The following DZIP3 variants were observed in gnomAD, a reference collection of about 807,000 sequenced individuals.
DZIP3 encodes DAZ interacting zinc finger protein 3.
In DZIP3, 118 loss-of-function variants were observed where a neutral mutation model predicts 162.0. The observed-to-expected ratio is 0.73, with a 90% CI of 0.63 to 0.85. The LOEUF is 0.85. Ranked by LOEUF, DZIP3 falls within the 40% of genes least tolerant of loss-of-function variation. The probability of loss-of-function intolerance (pLI) is 0.00; values close to 1 mark genes in which losing one functional copy is unlikely to be tolerated. For synonymous variants in DZIP3, 438 were observed against 458.6 expected (o/e 0.96, Z 0.57); for missense variants, 1,331 against 1,407.0 (o/e 0.95, Z 0.86).
intron 2 of DZIP3, among the ~76,000 whole-genome samples, chr3:108,606,536 T>C (rs907907790): frequency 6.6e-6 from 1 of 152,154 alleles, no homozygotes; most frequent in African/African-American, 2.4e-5. Flanking sequence ...TGGCTGTCTA[T>C]AGGAAGAAAA....
chr3:108,638,725 T>C (rs767161621), intron 12 of DZIP3, among the ~76,000 whole-genome samples: 2 of 152,168 alleles, frequency 1.3e-5, no homozygotes, highest in African/African-American at 2.4e-5. Context: ...TCAAACAGCT[T>C]CTTAAAACTG....
intron 4 of DZIP3, among the ~76,000 whole-genome samples, chr3:108,614,461 A>G (rs1166418830): frequency 6.6e-6 from 1 of 152,178 alleles, no homozygotes; most frequent in Admixed American, 6.5e-5. Context: ...CCTGGGATAG[A>G]AATGATTCCA....
intron 1 of DZIP3, among the ~76,000 whole-genome samples, chr3:108,602,055 A>C (rs1459490132): frequency 6.6e-6 from 1 of 152,206 alleles, no homozygotes; most frequent in Non-Finnish European, 1.5e-5. Flanking sequence ...GGCGGCCAGC[A>C]GTAGGATCTA....
intron 2 of DZIP3, 121 bp downstream of exon 2, chr3:108,605,559 T>C: frequency 1.0e-6 from 1 of 959,202 alleles, no homozygotes; most frequent in South Asian, 1.5e-5. Flanking sequence ...CTTCAGATCA[T>C]CAGGCATTAG....
rs563194441 is a variant in DZIP3 at position 108,605,213 on chromosome 3, A to G, written c.-72-122A>G. 40 of 701,660 alleles carry G rather than the reference A, an allele frequency of 5.7e-5. No homozygotes were observed. In the South Asian group the frequency reaches 6.6e-4, roughly 12 times the overall value. 43.5% of individuals were successfully genotyped at this position (701,660 alleles called of 1,614,324 possible). A position where few individuals can be genotyped will look rare whatever the true frequency, so the allele number is the denominator to read the frequency against. ...GTGATTATGTTTGGGTGGCGAAACT[A>G]TGATTCATTTTCTTCTTTTAGAGCA... On this transcript the variant is annotated intron_variant, in intron 1 of 32. Coordinates refer to ENST00000361582, the MANE Select transcript of DZIP3 (RefSeq NM_014648.4).
intron 2 of DZIP3, among the ~76,000 whole-genome samples, chr3:108,606,350 A>G (rs1004983150): frequency 2.0e-4 from 30 of 152,328 alleles, no homozygotes; most frequent in African/African-American, 6.7e-4. Flanking sequence ...TATCTCATAT[A>G]ATAAGCAGTG....
intron 28 of DZIP3, among the ~76,000 whole-genome samples, chr3:108,687,175 A>T (rs1211623956): frequency 6.6e-6 from 1 of 152,094 alleles, no homozygotes; most frequent in East Asian, 1.9e-4. Context: ...TTTTATTTCA[A>T]TACAAACATT....
chr3:108,615,777 T>C (rs1940970278), intron 4 of DZIP3, among the ~76,000 whole-genome samples: 1 of 152,166 alleles, frequency 6.6e-6, no homozygotes, highest in African/African-American at 2.4e-5. Flanking sequence ...TGCAATCAGA[T>C]TGCAGCATAA....
At chr3:108,618,240 C>T (rs1423746615) in intron 5 of DZIP3, among the ~76,000 whole-genome samples, 1 of 152,172 alleles carries the variant, frequency 6.6e-6, no homozygotes, top group African/African-American at 2.4e-5. Flanking sequence ...AGTTTTTCCT[C>T]CTCTAATTAT....
chr3:108,674,185 A>ACCTTT lies in DZIP3; in HGVS notation c.2693+7_2693+11dup. The ACCTTT allele has an allele frequency of 6.2e-7, 1 of 1,610,626 alleles. No homozygotes were observed. The highest frequency in any genetic ancestry group is 8.5e-7 in the Non-Finnish European group (1 of 1,177,598). ...GGGTGACTCACATGGCAGCAAGGTA[A>ACCTTT]CCTTTCCCTCTTCCTTAATGCATCT... On this transcript the variant is annotated splice_donor_region_variant and intron_variant, in intron 24 of 32. Transcript: ENST00000361582.
rs201647300 is a variant in DZIP3 at position 108,672,675 on chromosome 3, CA to C, written c.2589+20del. On this transcript the variant is annotated intron_variant, in intron 23 of 32. Transcript: ENST00000361582. ...AGCCGAGGTAACAACAAAACGGGGA[CA>C]GGGGTATGGGGTGAGGGGAAAAGTT... 4,125 of 1,600,126 alleles carry C rather than the reference CA, an allele frequency of 2.6e-3. 100 individuals carry two copies. In the African/African-American group the frequency reaches 0.048, roughly 19 times the overall value.
chr3:108,651,355 T>G (rs1242499503), intron 18 of DZIP3, among the ~76,000 whole-genome samples, 193 bp downstream of exon 18: 1 of 151,756 alleles, frequency 6.6e-6, no homozygotes, highest in Non-Finnish European at 1.5e-5. Flanking sequence ...ATTTAACATT[T>G]AATTATCATT....
At chr3:108,678,698 C>T (rs1322341344) in intron 26 of DZIP3, among the ~76,000 whole-genome samples, 1 of 151,910 alleles carries the variant, frequency 6.6e-6, no homozygotes, top group African/African-American at 2.4e-5. Context: ...AAGAGGGTGT[C>T]ATTGGATGAC....
chr3:108,649,394 C>A (rs1435736636), intron 17 of DZIP3, among the ~76,000 whole-genome samples: 1 of 151,724 alleles, frequency 6.6e-6, no homozygotes, highest in Non-Finnish European at 1.5e-5. Context: ...CAATAATGTG[C>A]ACAAAAAGGT....
intron 1 of DZIP3, among the ~76,000 whole-genome samples, chr3:108,592,254 G>A (rs973382366): frequency 3.9e-5 from 6 of 152,128 alleles, no homozygotes; most frequent in Non-Finnish European, 7.4e-5. Flanking sequence ...TGACAAATTC[G>A]AGAAGTATAT....
In DZIP3 at chr3:108,687,998, C is replaced by T. The variant is rs150802711; in HGVS notation, c.3172C>T (p.Arg1058Trp). ...CAGAAAGGAACTTACAGATTTCTTACGGAAATTGAAGGATGCTTATGGAAA... is the reference window on the plus strand; with the variant it reads ...CAGAAAGGAACTTACAGATTTCTTATGGAAATTGAAGGATGCTTATGGAAA... The part of the protein sequence containing the change: ...QTRKELTDFL[R>W]KLKDAYGKSL... The change falls in exon 29 of 33, where the codon CGG (arginine) becomes TGG (tryptophan). Residue 1058 changes from arginine (R) to tryptophan (W), a missense_variant. By Grantham distance (101) the Arg-to-Trp change is moderately radical. This residue lies in a region of DZIP3 where 1,278 missense variants were observed against 1,317.1 expected (regional missense o/e 0.97). Transcript: ENST00000361582. 135 of 1,613,504 alleles carry T rather than the reference C, an allele frequency of 8.4e-5. 1 individual carries two copies. Among genetic ancestry groups the T allele is most frequent in the Non-Finnish European group, 9.8e-5 (116 of 1,179,752 alleles).
chr3:108,656,954 G>T (rs1392086120), intron 19 of DZIP3, among the ~76,000 whole-genome samples: 2 of 152,112 alleles, frequency 1.3e-5, no homozygotes, highest in East Asian at 3.8e-4. Context: ...AAAAAGAAAT[G>T]AACAAACCTC....
chr3:108,602,816 G>C (rs145559704), intron 1 of DZIP3: 19 of 152,214 alleles, frequency 1.2e-4, no homozygotes, highest in African/African-American at 4.6e-4. Flanking sequence ...TGCTGGTAGT[G>C]TTTGCCACAC....
intron 9 of DZIP3, among the ~76,000 whole-genome samples, chr3:108,633,621 G>A (rs991930186): frequency 2.8e-5 from 4 of 144,676 alleles, no homozygotes; most frequent in Non-Finnish European, 6.1e-5. Context: ...TCTCTCTCTG[G>A]ATCTATCAGA....
Sources: gnomAD v4.1 joint callset for allele counts (sites outside exome capture counted in the v4.1 genomes callset) on GRCh38, gnomAD v4.1.1 for gene constraint, gnomAD v4.1.1 regional missense constraint, MANE v1.5 for transcripts, NCBI Gene and HGNC (gene_info 2026-07-23, HGNC 2026-07-21) for gene names.